Variants in SZT2 observed in about 807,000 individuals in gnomAD.
SZT2 encodes SZT2 subunit of KICSTOR complex.
SZT2 carries 216 observed loss-of-function variants against 404.2 expected under a neutral mutation model. That is an observed-to-expected ratio of 0.53 (90% CI 0.48 to 0.60). The LOEUF (loss-of-function observed/expected upper bound fraction) is 0.60. Among genes scored for constraint, SZT2 ranks in the 20% least tolerant of loss-of-function variants. The pLI is 0.00. For missense variants in SZT2, 3,857 were observed against 4,459.2 expected, an observed-to-expected ratio of 0.86 and a Z score of 3.85; for synonymous variants, 1,693 against 1,749.9, an observed-to-expected ratio of 0.97 and a Z score of 0.81.
At position 43,453,865 on chromosome 1, in the gene SZT2, C is replaced by CG. The variant is rs1656753159; in HGVS notation, c.*3390dup. 4.5e-6 allele frequency: 4 copies of CG among 888,254 alleles called. No individual in the cohort carries two copies. The highest frequency in any genetic ancestry group is 4.4e-6 in the Non-Finnish European group (3 of 684,766). The allele number at this position is 888,254 out of a possible 1,614,324, so 55.0% of individuals were successfully genotyped here. A position where few individuals can be genotyped will look rare whatever the true frequency, so the allele number is the denominator to read the frequency against. ...CGGGCGGCGGGCGGCGGGCGGCGGG[C>CG]GGGGGCGGGGCTCTCCTTGCTGGCC... On this transcript the variant is annotated 3_prime_UTR_variant, in exon 72 of 72. Transcript: ENST00000634258.
chr1:43,392,891 A>C (rs1648570094), intron 1 of SZT2, among the ~76,000 whole-genome samples: 1 of 152,196 alleles, frequency 6.6e-6, no homozygotes. Flanking sequence ...TTCATCACAC[A>C]CTTGAAATAT....
chr1:43,426,271 C>A lies in SZT2; in HGVS notation c.3044-97C>A. 1 of 1,490,584 alleles carries A rather than the reference C, an allele frequency of 6.7e-7. No individual in the cohort carries two copies. The highest frequency in any genetic ancestry group is 9.0e-7 in the Non-Finnish European group (1 of 1,111,054). The allele number at this position is 1,490,584 out of a possible 1,614,324, so 92.3% of individuals were successfully genotyped here. On this transcript the variant is annotated intron_variant, in intron 21 of 71. Coordinates refer to ENST00000634258, the MANE Select transcript of SZT2 (RefSeq NM_001365999.1). The surrounding 1 kb of genome is among the most constrained non-coding windows in gnomAD (Gnocchi z 4.9). ...AGATGAGTGGTGGGGGCAGGAGGAG[C>A]CCATGAGGCTGAAGGAGGGGCCAGC...
chr1:43,440,879 A>G (rs551404575), intron 52 of SZT2, among the ~76,000 whole-genome samples: 1 of 152,330 alleles, frequency 6.6e-6, no homozygotes, highest in Admixed American at 6.5e-5. Context: ...CAAAAAAGCA[A>G]AACAAAAACT....
In SZT2 at chr1:43,426,757, A is replaced by G. The variant is rs373741370; in HGVS notation, c.3257A>G (p.Glu1086Gly). The G allele has an allele frequency of 5.0e-6, 8 of 1,613,534 alleles. No individual in the cohort carries two copies. The African/African-American group carries it at 9.3e-5, about 19-fold the overall frequency. The change falls in exon 23 of 72, where the codon GAG (glutamate) becomes GGG (glycine). Residue 1086 changes from glutamate (E) to glycine (G), a missense_variant. Glu to Gly is a moderately conservative substitution (Grantham distance 98). Around this residue, in one of 7 missense-constraint regions of SZT2, gnomAD observed 1,725 missense variants for 1,881.0 expected, o/e 0.92. Coordinates refer to ENST00000634258, the MANE Select transcript of SZT2 (RefSeq NM_001365999.1). The surrounding 1 kb of genome is among the most constrained non-coding windows in gnomAD (Gnocchi z 4.9). Reference protein sequence around the residue: ...PLLGVHGIPKEQAVGSTQATG... With the variant: ...PLLGVHGIPKGQAVGSTQATG... ...CTGGGGGTTCATGGGATCCCGAAGG[A>G]GCAAGCAGTCGGCAGCACCCAGGCC...
chr1:43,436,127 C>T (rs1654436587), intron 42 of SZT2: 1 of 152,212 alleles, frequency 6.6e-6, no homozygotes, highest in South Asian at 2.1e-4. Context: ...GATGACCTCT[C>T]ACCCAGACGG....
At position 43,453,628 on chromosome 1, in the gene SZT2, C is replaced by T; in HGVS notation, c.*3148C>T. On this transcript the variant is annotated 3_prime_UTR_variant, in exon 72 of 72. Coordinates refer to ENST00000634258, the MANE Select transcript of SZT2 (RefSeq NM_001365999.1). ...GTGTTGATCAGTACAAGCCGCAGCC[C>T]CGCTTCTCGCGCGGCGCGCGCCAGC... is the stretch of plus-strand genomic sequence containing the variant. 3.3e-6 allele frequency: 5 copies of T among 1,495,878 alleles called. No individual in the cohort carries two copies. The highest frequency in any genetic ancestry group is 4.4e-6 in the Non-Finnish European group (5 of 1,128,606). 92.7% of individuals were successfully genotyped at this position (1,495,878 alleles called of 1,614,324 possible).
chr1:43,448,156 A>C lies in SZT2; in HGVS notation c.9641A>C (p.Lys3214Thr). 1 of 1,610,796 alleles carries C rather than the reference A, an allele frequency of 6.2e-7. No individual in the cohort carries two copies. Among genetic ancestry groups the C allele is most frequent in the Non-Finnish European group, 8.5e-7 (1 of 1,177,886 alleles). Residue 3214 changes from lysine to threonine, a missense_variant, in exon 69 of 72, where the codon AAG (lysine) becomes ACG (threonine). Coordinates refer to ENST00000634258, the MANE Select transcript of SZT2 (RefSeq NM_001365999.1). This position sits in a 1 kb window ranked among gnomAD's most constrained non-coding sequence, Gnocchi z 4.2. ...ACTGCTGACATGCGCCGCTTCCGGA[A>C]GCCACCCAGACTGCCCCCTGAGCCA... Reference protein sequence around the residue: ...RLTADMRRFRKPPRLPPEPEA... With the variant: ...RLTADMRRFRTPPRLPPEPEA...
In SZT2 at chr1:43,411,323, G is replaced by T. The variant is rs56239430; in HGVS notation, c.499-3759G>T. On this transcript the variant is annotated intron_variant, in intron 4 of 71. Transcript: ENST00000634258. The stretch of plus-strand genomic sequence containing the variant: ...CTGTGGCATTGCCAGCAGGCCAGAG[G>T]GGGCAGCTGGCAGTGTTGGCTCTAG... 4.6e-5 allele frequency among the ~76,000 whole-genome samples: 7 copies of T among 152,230 alleles called. No individual in the cohort carries two copies. The East Asian group carries it at 7.8e-4, about 17-fold the overall frequency.
In SZT2 at chr1:43,425,600, G is replaced by C; in HGVS notation, c.2772G>C (p.Trp924Cys). 6.2e-7 allele frequency: 1 copy of C among 1,614,212 alleles called. No individual in the cohort carries two copies. Among genetic ancestry groups the C allele is most frequent in the South Asian group, 1.1e-5 (1 of 91,084 alleles). Residue 924 changes from tryptophan to cysteine, a missense_variant, in exon 19 of 72, where the codon TGG (tryptophan) becomes TGC (cysteine). Trp to Cys is a radical substitution (Grantham distance 215). This residue lies in a region of SZT2 where 1,725 missense variants were observed against 1,881.0 expected (regional missense o/e 0.92). Coordinates refer to ENST00000634258, the MANE Select transcript of SZT2 (RefSeq NM_001365999.1). This position sits in a 1 kb window ranked among gnomAD's most constrained non-coding sequence, Gnocchi z 4.3. ...GAGTGGGACCTGGCCCTGGAATCTG[G>C]AAGCACCTCCAGGACCTGACGTATT... ...YGRVGPGPGI[W>C]KHLQDLTYSE...
chr1:43,412,806 C>G (rs1279273753), intron 4 of SZT2: 1 of 151,732 alleles, frequency 6.6e-6, no homozygotes, highest in African/African-American at 2.4e-5. Context: ...AAAAAAAATC[C>G]AATAATCTGA....
Position 43,451,342 on chromosome 1 carries a change from G to C in SZT2, c.*862G>C, listed in dbSNP as rs1336243241. On this transcript the variant is annotated 3_prime_UTR_variant, in exon 72 of 72. Transcript: ENST00000634258. ...GGGAGAGGGAGGCCTCGGCACCTCA[G>C]CCCACAAGGAGAAAACAGCCCCTGT... 6 of 1,612,842 alleles carry C rather than the reference G, an allele frequency of 3.7e-6. No homozygotes were observed. In the Admixed American group the frequency reaches 5.0e-5, roughly 13 times the overall value.
Position 43,438,829 on chromosome 1 carries a change from T to C in SZT2, c.6627+12T>C. The C allele has an allele frequency of 6.2e-6, 10 of 1,612,106 alleles. No homozygotes were observed. Among genetic ancestry groups the C allele is most frequent in the Non-Finnish European group, 8.5e-6 (10 of 1,178,604 alleles). On this transcript the variant is annotated intron_variant, in intron 47 of 71. Transcript: ENST00000634258. ...CAGCTGATGTGGAGGTCAGCTCCCCTCTAGGCACCAGCATCCTTCCCAGAC... is the reference window on the plus strand; with the variant it reads ...CAGCTGATGTGGAGGTCAGCTCCCCCCTAGGCACCAGCATCCTTCCCAGAC...
rs1653144583 is a variant in SZT2, at chr1:43,426,375, G to A, written c.3051G>A (p.Glu1017=). Residue 1017 remains glutamate (E), a synonymous_variant, in exon 22 of 72, where the codon GAG becomes GAA. Coordinates refer to ENST00000634258, the MANE Select transcript of SZT2 (RefSeq NM_001365999.1). This position sits in a 1 kb window ranked among gnomAD's most constrained non-coding sequence, Gnocchi z 4.9. The stretch of plus-strand genomic sequence containing the variant: ...AGAGTGTGTGTCGGGCAGAGCCAGA[G>A]GGTGTCCCTTTCGCCGAGGGGTCCT... The part of the protein sequence containing the change: ...MFFLLLAREP[E]GVPFAEGSCP... The A allele has an allele frequency of 3.2e-6, 5 of 1,557,412 alleles. No individual in the cohort carries two copies. The highest frequency in any genetic ancestry group is 4.3e-6 in the Non-Finnish European group (5 of 1,156,544).
At position 43,433,012 on chromosome 1, in the gene SZT2, T is replaced by C. The variant is rs768475130; in HGVS notation, c.5626T>C (p.Ser1876Pro). 1 of 1,613,968 alleles carries C rather than the reference T, an allele frequency of 6.2e-7. No homozygotes were observed. The highest frequency in any genetic ancestry group is 8.5e-7 in the Non-Finnish European group (1 of 1,180,034). ...HLGYDGGSSG[S>P]DSEGPNDTLG... ...AGGTTATGATGGTGGCAGCAGTGGC[T>C]CAGACAGTGAGGGTCCCAATGACAC... The change falls in exon 40 of 72, where the codon TCA (serine) becomes CCA (proline). Residue 1876 changes from serine (S) to proline (P), a missense_variant. By Grantham distance (74) the Ser-to-Pro change is moderately conservative (BLOSUM62 -1). This residue lies in a region of SZT2 where 1,725 missense variants were observed against 1,881.0 expected (regional missense o/e 0.92). Coordinates refer to ENST00000634258, the MANE Select transcript of SZT2 (RefSeq NM_001365999.1).
rs780447901 is a variant in SZT2 at position 43,426,199 on chromosome 1, G to A, written c.3043+48G>A. On this transcript the variant is annotated intron_variant, in intron 21 of 71. Coordinates refer to ENST00000634258, the MANE Select transcript of SZT2 (RefSeq NM_001365999.1). This position sits in a 1 kb window ranked among gnomAD's most constrained non-coding sequence, Gnocchi z 4.9. ...CACCCCACACCTAAAGGGCCAGCAAGCCTGGAAGTATTAGAAAATAACAAA... is the reference window on the plus strand; with the variant it reads ...CACCCCACACCTAAAGGGCCAGCAAACCTGGAAGTATTAGAAAATAACAAA... The A allele has an allele frequency of 1.4e-5, 22 of 1,590,970 alleles. No individual in the cohort carries two copies. The African/African-American group carries it at 2.7e-4, about 19-fold the overall frequency.
In SZT2 at chr1:43,441,911, G is replaced by C; in HGVS notation, c.7743-89G>C. 6.3e-7 allele frequency: 1 copy of C among 1,594,980 alleles called. No individual in the cohort carries two copies. The highest frequency in any genetic ancestry group is 1.7e-5 in the Admixed American group (1 of 59,130). On this transcript the variant is annotated intron_variant, in intron 55 of 71. Coordinates refer to ENST00000634258, the MANE Select transcript of SZT2 (RefSeq NM_001365999.1). This position sits in a 1 kb window ranked among gnomAD's most constrained non-coding sequence, Gnocchi z 4.8. ...GCCAAACCTGAGGAAGCTGAGCTAG[G>C]AGAGGTGGAAACAAGGCCCAGGGAG... is the stretch of plus-strand genomic sequence containing the variant.
At chr1:43,422,655 A>ACCCCACCCCCCCC in intron 13 of SZT2, 23 bp downstream of exon 13, 1 of 1,095,026 alleles carries the variant, frequency 9.1e-7, no homozygotes, top group Non-Finnish European at 1.2e-6. Flanking sequence ...ATGTCCCTTC[A>ACCCCACCCCCCCC]CCCCCCGCCC....
chr1:43,453,319 C>T lies in SZT2; in HGVS notation c.*2839C>T. Reference sequence around the variant, plus strand: ...CTTCTGAGCGTCTCAGATCTGGCGTCCTCGACTCCCTGAACCTGCATCAGG... The same window carrying T: ...CTTCTGAGCGTCTCAGATCTGGCGTTCTCGACTCCCTGAACCTGCATCAGG... On this transcript the variant is annotated 3_prime_UTR_variant, in exon 72 of 72. Transcript: ENST00000634258. 1.9e-6 allele frequency: 2 copies of T among 1,065,922 alleles called. No homozygotes were observed. The highest frequency in any genetic ancestry group is 2.3e-5 in the Admixed American group (1 of 42,996). 66.0% of individuals were successfully genotyped at this position (1,065,922 alleles called of 1,614,324 possible). A position where few individuals can be genotyped will look rare whatever the true frequency, so the allele number is the denominator to read the frequency against.
Position 43,437,682 on chromosome 1 carries a change from C to A in SZT2, c.6378C>A (p.Ile2126=). 7 of 1,614,168 alleles carry A rather than the reference C, an allele frequency of 4.3e-6. No individual in the cohort carries two copies. The highest frequency in any genetic ancestry group is 5.9e-6 in the Non-Finnish European group (7 of 1,180,028). The change falls in exon 45 of 72, where the codon ATC becomes ATA. Residue 2126 remains isoleucine, a synonymous_variant. Transcript: ENST00000634258. This position sits in a 1 kb window ranked among gnomAD's most constrained non-coding sequence, Gnocchi z 5.3. ...SLALSRSQEP[I]YSEEASGPRS... The stretch of plus-strand genomic sequence containing the variant: ...CTCTGTCCCGAAGCCAAGAGCCCAT[C>A]TACTCTGAGGAAGCCTCGGCATGTA...
Sources: allele counts gnomAD v4.1 joint callset (sites outside exome capture counted in the v4.1 genomes callset), GRCh38; gene constraint gnomAD v4.1.1; regional missense constraint gnomAD v4.1.1; non-coding constraint Gnocchi (gnomAD v3.1); transcripts MANE v1.5; gene names NCBI Gene and HGNC (gene_info 2026-07-23, HGNC 2026-07-21).